Variants in UBR1 observed in about 807,000 individuals in gnomAD.
UBR1 encodes the protein E3 ubiquitin-protein ligase UBR1.
A neutral mutation model predicts 242.1 loss-of-function variants in UBR1; 102 were observed. The ratio of observed to expected loss-of-function variants is 0.42; its 90% confidence interval spans 0.36 to 0.50. The LOEUF is 0.50. Ranked by LOEUF, UBR1 falls within the 20% of genes least tolerant of loss-of-function variation. UBR1 has a pLI of 0.01. For synonymous variants in UBR1, 675 were observed against 684.8 expected, an observed-to-expected ratio of 0.99 and a Z score of 0.22; for missense variants, 1,772 against 2,101.8, an observed-to-expected ratio of 0.84 and a Z score of 3.07.
In UBR1 at chr15:43,059,736, A is replaced by G; in HGVS notation, c.951T>C (p.Leu317=). 1 of 1,614,202 alleles carries G rather than the reference A, an allele frequency of 6.2e-7. No individual in the cohort carries two copies. The highest frequency in any genetic ancestry group is 8.5e-7 in the Non-Finnish European group (1 of 1,180,032). Residue 317 remains leucine, a synonymous_variant, in exon 8 of 47, where the codon CTT becomes CTC. Transcript: ENST00000290650. Reference sequence around the variant, plus strand: ...TCATAATTTTGTTCATCCAGGAACCAAGACGCAAAGCAAATTTCTGATGAG... The same window carrying G: ...TCATAATTTTGTTCATCCAGGAACCGAGACGCAAAGCAAATTTCTGATGAG... The part of the protein sequence containing the change: ...IMAHQKFALR[L]GSWMNKIMSY...
chr15:42,984,781 T>C, intron 36 of UBR1, 106 bp downstream of exon 36: 3 of 1,054,216 alleles, frequency 2.8e-6, no homozygotes, highest in Non-Finnish European at 4.4e-6. Context: ...AGAATTCTGC[T>C]AATTTTTACA....
At position 42,952,446 on chromosome 15, in the gene UBR1, C is replaced by A. The variant is rs757277338; in HGVS notation, c.4838G>T (p.Cys1613Phe). Residue 1613 changes from cysteine to phenylalanine, a missense_variant and splice_region_variant, in exon 45 of 47, where the codon TGC (cysteine) becomes TTC (phenylalanine). Physicochemically the swap from Cys to Phe is radical, Grantham distance 205. This residue lies in a region of UBR1 where 965 missense variants were observed against 1,079.7 expected (regional missense o/e 0.89). Coordinates refer to ENST00000290650, the MANE Select transcript of UBR1 (RefSeq NM_174916.3). ...TCGCTCATCATCTGCAGACCGTGGG[C>A]ACCTCAAAAGAGAAGAAAACATTTA... ...CLLNQASHFR[C>F]PRSADDERKH... 1 of 1,614,186 alleles carries A rather than the reference C, an allele frequency of 6.2e-7. No individual in the cohort carries two copies. Among genetic ancestry groups the A allele is most frequent in the Non-Finnish European group, 8.5e-7 (1 of 1,180,032 alleles).
At chr15:42,966,974 C>A (rs938362143) in intron 40 of UBR1, among the ~76,000 whole-genome samples, 1 of 151,998 alleles carries the variant, frequency 6.6e-6, no homozygotes, top group Non-Finnish European at 1.5e-5. Flanking sequence ...GGCTGGAGTG[C>A]AGTGCTGCGA....
At chr15:43,027,748 A>T (rs1280432881) in intron 22 of UBR1, 28 bp downstream of exon 22, 1 of 1,599,458 alleles carries the variant, frequency 6.3e-7, no homozygotes, top group South Asian at 1.1e-5. Context: ...ACTACCTTTT[A>T]GAATAAGCAT....
chr15:43,093,790 C>CAAA (rs35967267), intron 1 of UBR1, among the ~76,000 whole-genome samples: 553 of 51,994 alleles, frequency 0.011, 6 homozygotes, highest in African/African-American at 0.035. Context: ...GCTCCGTCTC[C>CAAA]AAAAAAAAAA....
intron 29 of UBR1, among the ~76,000 whole-genome samples, chr15:43,014,157 T>G (rs1053917329): frequency 6.6e-6 from 1 of 152,274 alleles, no homozygotes; most frequent in South Asian, 2.1e-4. Flanking sequence ...GTGCCGGGAT[T>G]GCAGACGGAG....
intron 21 of UBR1, 97 bp downstream of exon 21, chr15:43,029,847 C>CT: frequency 6.8e-7 from 1 of 1,466,108 alleles, no homozygotes; most frequent in Non-Finnish European, 9.5e-7. Context: ...TGATATAGGA[C>CT]TTTTTGCCTA....
At chr15:42,970,719 T>A in intron 39 of UBR1, 112 bp from the exon 40 acceptor site, 1 of 998,048 alleles carries the variant, frequency 1.0e-6, no homozygotes, top group South Asian at 1.4e-5. Flanking sequence ...TCAACTGAGG[T>A]TCTTTCCTTT....
chr15:43,068,182 TGA>T, intron 5 of UBR1, 146 bp from the exon 6 acceptor site: 13 of 395,742 alleles, frequency 3.3e-5, no homozygotes, highest in Non-Finnish European at 3.9e-5. Context: ...ATATAGAATT[TGA>T]TTTTTTTTTT....
chr15:43,002,509 C>T (rs1596094407), intron 32 of UBR1, 46 bp downstream of exon 32: 2 of 1,593,724 alleles, frequency 1.3e-6, no homozygotes, highest in East Asian at 4.6e-5. Flanking sequence ...GCCACTGCAC[C>T]TGGCCAACTT....
chr15:43,014,324 C>A (rs528489405), intron 29 of UBR1, among the ~76,000 whole-genome samples: 15 of 152,082 alleles, frequency 9.9e-5, no homozygotes, highest in African/African-American at 3.6e-4. Flanking sequence ...AAGTGAGGAG[C>A]GTCTCTGCCT....
At chr15:43,050,665 A>T (rs2033543379) in intron 12 of UBR1, among the ~76,000 whole-genome samples, 1 of 149,276 alleles carries the variant, frequency 6.7e-6, no homozygotes, top group Non-Finnish European at 1.5e-5. Context: ...CTGAGGTTGC[A>T]GTGAGCCAAG....
chr15:42,998,314 A>G, intron 32 of UBR1, 49 bp from the exon 33 acceptor site: 2 of 1,493,418 alleles, frequency 1.3e-6, no homozygotes, highest in Non-Finnish European at 9.3e-7. Context: ...ACAAAGTCAA[A>G]TGGAAAAGCT....
chr15:43,071,247 T>C (rs541126846), intron 4 of UBR1, among the ~76,000 whole-genome samples: 129 of 152,194 alleles, frequency 8.5e-4, no homozygotes, highest in Non-Finnish European at 1.7e-3. Flanking sequence ...TGTTTATCCC[T>C]TATAGCTTAC....
chr15:43,105,901 AC>A (rs761594974), intron 1 of UBR1, 40 bp downstream of exon 1: 2 of 1,589,688 alleles, frequency 1.3e-6, no homozygotes, highest in South Asian at 1.1e-5. Context: ...GTAGGGAGGG[AC>A]CGGGGGGAGG....
chr15:43,003,775 G>A, intron 31 of UBR1, 62 bp downstream of exon 31: 2 of 1,476,198 alleles, frequency 1.4e-6, no homozygotes, highest in Non-Finnish European at 1.9e-6. Flanking sequence ...GCCTTTTTGT[G>A]GCCTTGAGTG....
intron 33 of UBR1, among the ~76,000 whole-genome samples, chr15:42,995,029 T>C (rs192518360): frequency 2.0e-4 from 30 of 152,324 alleles, no homozygotes; most frequent in African/African-American, 7.0e-4. Context: ...CCCTTAAAAA[T>C]ATAGGCTTCT....
intron 3 of UBR1, among the ~76,000 whole-genome samples, chr15:43,082,151 T>C (rs2033981874): frequency 6.6e-6 from 1 of 152,176 alleles, no homozygotes; most frequent in South Asian, 2.1e-4. Flanking sequence ...AGCTCATTTT[T>C]CTCATTTAAC....
intron 25 of UBR1, among the ~76,000 whole-genome samples, 166 bp downstream of exon 25, chr15:43,024,663 C>A (rs1339105402): frequency 1.3e-5 from 2 of 152,134 alleles, no homozygotes; most frequent in African/African-American, 4.8e-5. Flanking sequence ...ATGCTAAAAA[C>A]ACGAGATCAC....
Sources: gnomAD v4.1 joint callset for allele counts (sites outside exome capture counted in the v4.1 genomes callset) on GRCh38, gnomAD v4.1.1 for gene constraint, gnomAD v4.1.1 regional missense constraint, MANE v1.5 for transcripts, NCBI Gene and HGNC (gene_info 2026-07-23, HGNC 2026-07-21) for gene names.